Variants in RNF207 observed in about 807,000 individuals in gnomAD.
RNF207 encodes the protein ring finger protein 207.
A neutral mutation model predicts 79.0 loss-of-function variants in RNF207; 72 were observed. That is an observed-to-expected ratio of 0.91 (90% confidence interval 0.75 to 1.11). The LOEUF (loss-of-function observed/expected upper bound fraction) is 1.11. Among genes scored for constraint, RNF207 ranks in the 50% least tolerant of loss-of-function variants. The pLI, the probability that RNF207 is intolerant of heterozygous loss-of-function variation, is 0.00. For missense variants in RNF207, 936 were observed against 855.8 expected (o/e 1.09, Z -1.17); for synonymous variants, 348 against 366.2 (o/e 0.95, Z 0.57).
chr1:6,213,275 C>A, intron 16 of RNF207, 92 bp downstream of exon 16: 1 of 756,110 alleles, frequency 1.3e-6, no homozygotes, highest in Non-Finnish European at 2.2e-6. Flanking sequence ...AATCCTAACA[C>A]TTCGGGAGGC....
Position 6,219,250 on chromosome 1 carries a change from G to C in RNF207, c.1748G>C (p.Ser583Thr). 6.2e-7 allele frequency: 1 copy of C among 1,610,870 alleles called. No individual in the cohort carries two copies. Among genetic ancestry groups the C allele is most frequent in the Non-Finnish European group, 8.5e-7 (1 of 1,178,706 alleles). Residue 583 changes from serine to threonine, a missense_variant, in exon 18 of 18, where the codon AGT becomes ACT. Transcript: ENST00000377939. ...TGTCCCTTTAGGAATAATCCAGGAA[G>C]TGTCCCGGAAAAGAGAGAGAAGACA... ...NAASARNNPG[S>T]VPEKREKTSE...
chr1:6,211,959 C>G lies in RNF207; in HGVS notation c.1202C>G (p.Thr401Arg), dbSNP rs368957775. 3.8e-6 allele frequency: 6 copies of G among 1,568,236 alleles called. No individual in the cohort carries two copies. The African/African-American group carries it at 6.8e-5, about 18-fold the overall frequency. ...KMSGSPVQKP[T>R]LHRSISTKVL... ...TCGGGGTCACCCGTCCAAAAGCCCA[C>G]GCTGCACCGGTCCATCAGCACCAAG... Residue 401 changes from threonine (T) to arginine (R), a missense_variant, in exon 13 of 18, where the codon ACG (threonine) becomes AGG (arginine). By Grantham distance (71) the Thr-to-Arg change is moderately conservative (BLOSUM62 -1). Transcript: ENST00000377939. This position sits in a 1 kb window ranked among gnomAD's most constrained non-coding sequence, Gnocchi z 4.2.
intron 1 of RNF207, 92 bp downstream of exon 1, chr1:6,206,394 C>T: frequency 3.2e-6 from 2 of 619,672 alleles, no homozygotes; most frequent in Non-Finnish European, 5.6e-6. Flanking sequence ...TGGGCCCTAG[C>T]GGCTCCCCAC....
intron 9 of RNF207, 29 bp downstream of exon 9, chr1:6,210,324 CCCT>C (rs779682896): frequency 1.2e-6 from 2 of 1,612,786 alleles, no homozygotes; most frequent in Non-Finnish European, 1.7e-6. Context: ...GCGGGTGGGT[CCCT>C]CCTCCTCCCC....
rs1668174663 is a variant in RNF207 at position 6,211,755 on chromosome 1, A to C, written c.1110-112A>C. Reference sequence around the variant, plus strand: ...TCTCCTGGTGGCTCTGCTGTGCTCCAGGTGGTGGAGAGGGCTGTGAGATCC... The same window carrying C: ...TCTCCTGGTGGCTCTGCTGTGCTCCCGGTGGTGGAGAGGGCTGTGAGATCC... On this transcript the variant is annotated intron_variant, in intron 12 of 17. Transcript: ENST00000377939. This position sits in a 1 kb window ranked among gnomAD's most constrained non-coding sequence, Gnocchi z 4.2. 2.8e-6 allele frequency: 2 copies of C among 705,818 alleles called. No individual in the cohort carries two copies. The highest frequency in any genetic ancestry group is 1.8e-5 in the African/African-American group (1 of 56,020). The allele number at this position is 705,818 out of a possible 1,614,324, so 43.7% of individuals were successfully genotyped here.
intron 16 of RNF207, among the ~76,000 whole-genome samples, chr1:6,216,664 G>A (rs1412410616): frequency 6.6e-6 from 1 of 150,910 alleles, no homozygotes; most frequent in African/African-American, 2.4e-5. Context: ...GGGTTCAAGC[G>A]ATTCTCCTGT....
chr1:6,210,758 A>G, intron 10 of RNF207, 112 bp from the exon 11 acceptor site: 1 of 951,896 alleles, frequency 1.1e-6, no homozygotes, highest in South Asian at 1.4e-5. Context: ...TGGCGCTGCT[A>G]AGGGACACCA....
At chr1:6,210,816 C>T (rs1668131316) in intron 10 of RNF207, 54 bp from the exon 11 acceptor site, 12 of 1,491,820 alleles carry the variant, frequency 8.0e-6, no homozygotes, top group South Asian at 7.2e-5. Flanking sequence ...TCCCCTCTTC[C>T]TGCCCCCTGG....
Position 6,209,003 on chromosome 1 carries a change from C to T in RNF207, c.447C>T (p.Ser149=). The T allele has an allele frequency of 6.5e-7, 1 of 1,539,450 alleles. No individual in the cohort carries two copies. Among genetic ancestry groups the T allele is most frequent in the East Asian group, 2.5e-5 (1 of 40,760 alleles). The change falls in exon 4 of 18, where the codon AGC becomes AGT. Residue 149 remains serine, a synonymous_variant. Coordinates refer to ENST00000377939, the MANE Select transcript of RNF207 (RefSeq NM_207396.3). The part of the protein sequence containing the change: ...RHDIVALGQR[S]RDVPQKCTLH... The stretch of plus-strand genomic sequence containing the variant: ...ACATCGTGGCCCTGGGTCAGCGAAG[C>T]CGCGACGTGCCCCAGAAGTGCAGTG...
rs1415921589 is a variant in RNF207, at chr1:6,209,112, C to T, written c.470-3C>T. The T allele has an allele frequency of 3.9e-6, 6 of 1,552,218 alleles. No homozygotes were observed. Among genetic ancestry groups the T allele is most frequent in the Non-Finnish European group, 3.5e-6 (4 of 1,147,942 alleles). On this transcript the variant is annotated splice_polypyrimidine_tract_variant and splice_region_variant and intron_variant, in intron 4 of 17. Transcript: ENST00000377939. ...CCCTCACCACCGCCCGCCGCCCCCG[C>T]AGCGCTGCACGCAGAGCCCTACCTC...
intron 17 of RNF207, 110 bp downstream of exon 17, chr1:6,218,479 C>A: frequency 2.7e-6 from 2 of 738,974 alleles, no homozygotes; most frequent in Non-Finnish European, 4.5e-6. Flanking sequence ...CTCTGGGGCC[C>A]TGGCTGGGCC....
chr1:6,207,849 G>GC lies in RNF207; in HGVS notation c.324+339dup. The GC allele has an allele frequency of 2.0e-6, 1 of 490,636 alleles. No homozygotes were observed. Among genetic ancestry groups the GC allele is most frequent in the South Asian group, 1.8e-5 (1 of 56,940 alleles). The allele number at this position is 490,636 out of a possible 1,614,324, so 30.4% of individuals were successfully genotyped here. On this transcript the variant is annotated intron_variant, in intron 3 of 17. Transcript: ENST00000377939. This position sits in a 1 kb window ranked among gnomAD's most constrained non-coding sequence, Gnocchi z 4.5. Reference sequence around the variant, plus strand: ...CCTGGGCCGACCCTGAAGGGCCTCTGCTACCCAAGTGGCATAGAAGCAGCT... The same window carrying GC: ...CCTGGGCCGACCCTGAAGGGCCTCTGCCTACCCAAGTGGCATAGAAGCAGCT...
intron 2 of RNF207, among the ~76,000 whole-genome samples, 174 bp downstream of exon 2, chr1:6,206,900 G>C (rs923722551): frequency 6.6e-6 from 1 of 152,182 alleles, no homozygotes; most frequent in African/African-American, 2.4e-5. Flanking sequence ...TGCAGGCTTC[G>C]GTCCATTTTA....
intron 16 of RNF207, among the ~76,000 whole-genome samples, chr1:6,215,648 T>C (rs142519370): frequency 3.3e-5 from 5 of 152,212 alleles, no homozygotes; most frequent in African/African-American, 1.2e-4. Context: ...TTCCTCCCAA[T>C]TGCTTTTTGC....
In RNF207 at chr1:6,211,003, C is replaced by T; in HGVS notation, c.1012-18C>T. 1.9e-6 allele frequency: 3 copies of T among 1,602,960 alleles called. No individual in the cohort carries two copies. Among genetic ancestry groups the T allele is most frequent in the Non-Finnish European group, 2.6e-6 (3 of 1,175,090 alleles). Reference sequence around the variant, plus strand: ...CAGGGCAGTGGAGGCCACCTCATGACCCCATCCCGCTGCCCAGATTGCCAG... The same window carrying T: ...CAGGGCAGTGGAGGCCACCTCATGATCCCATCCCGCTGCCCAGATTGCCAG... On this transcript the variant is annotated intron_variant, in intron 11 of 17. Coordinates refer to ENST00000377939, the MANE Select transcript of RNF207 (RefSeq NM_207396.3). The surrounding 1 kb of genome is among the most constrained non-coding windows in gnomAD (Gnocchi z 4.2).
intron 13 of RNF207, 64 bp downstream of exon 13, chr1:6,212,117 T>C: frequency 1.3e-6 from 2 of 1,546,252 alleles, no homozygotes; most frequent in Admixed American, 3.8e-5. Flanking sequence ...CAAGGTACGC[T>C]CAGGGAAATC....
At chr1:6,210,568 T>TCC in intron 10 of RNF207, 130 bp downstream of exon 10, 1 of 692,098 alleles carries the variant, frequency 1.4e-6, no homozygotes, top group Non-Finnish European at 2.4e-6. Context: ...GCTGACCCCC[T>TCC]CCCAACTCCA....
chr1:6,214,919 G>A (rs554956917), intron 16 of RNF207, among the ~76,000 whole-genome samples: 2 of 151,896 alleles, frequency 1.3e-5, no homozygotes, highest in East Asian at 1.9e-4. Context: ...GAGCCACCAC[G>A]CCCAGCCTCT....
Position 6,210,944 on chromosome 1 carries a change from C to CA in RNF207, c.1011+7dup. On this transcript the variant is annotated splice_region_variant and intron_variant, in intron 11 of 17. Transcript: ENST00000377939. ...GGCCTATTCAGAGCAGCAAGGTGTG[C>CA]AGTGGCCTGGGTGGGCCAGGGTCGG... 1 of 1,603,760 alleles carries CA rather than the reference C, an allele frequency of 6.2e-7. No individual in the cohort carries two copies. The highest frequency in any genetic ancestry group is 1.7e-5 in the Admixed American group (1 of 58,482).
Sources: gnomAD v4.1 joint callset for allele counts (sites outside exome capture counted in the v4.1 genomes callset) on GRCh38, gnomAD v4.1.1 for gene constraint, Gnocchi (gnomAD v3.1) non-coding constraint, MANE v1.5 for transcripts, NCBI Gene and HGNC (gene_info 2026-07-23, HGNC 2026-07-21) for gene names.